The following TDRD6 variants were observed in gnomAD, a reference collection of about 807,000 sequenced individuals.
The protein encoded by TDRD6 is tudor domain-containing protein 6.
TDRD6 carries 186 observed loss-of-function variants against 157.5 expected under a neutral mutation model. That is an observed-to-expected ratio of 1.18 (90% CI 1.05 to 1.33). The LOEUF (loss-of-function observed/expected upper bound fraction) is 1.33, where lower values mean the gene tolerates loss of function less well. Ranked by LOEUF, TDRD6 falls within the 40% of genes most tolerant of loss-of-function variation. The pLI is 0.00. For synonymous variants in TDRD6, 1,075 were observed against 945.2 expected (o/e 1.14, Z -2.52); for missense variants, 3,066 against 2,508.0 (o/e 1.22, Z -4.75).
In TDRD6 at chr6:46,693,662, C is replaced by A. The variant is rs1764412370; in HGVS notation, c.5534C>A (p.Ser1845Ter). 6.2e-7 allele frequency: 1 copy of A among 1,614,032 alleles called. No individual in the cohort carries two copies. The highest frequency in any genetic ancestry group is 1.3e-5 in the African/African-American group (1 of 74,910). The change falls in exon 1 of 4, where the codon TCA becomes TAA. Residue 1845 changes from serine to a stop codon, truncating the protein, a stop_gained. Transcript: ENST00000316081. LOFTEE classifies it high-confidence loss of function. ...GTGCCGCTTTCTCCTGATGATGAATCAAAAGAATTCTTAGAACTGGAATCT... is the reference window on the plus strand; with the variant it reads ...GTGCCGCTTTCTCCTGATGATGAATAAAAAGAATTCTTAGAACTGGAATCT... ...LEVPLSPDDE[S>*]KEFLELESIE... is the part of the protein sequence containing the mutation.
Position 46,691,896 on chromosome 6 carries a change from AAAG to A in TDRD6, c.3771_3773del (p.Lys1258del). 6.3e-7 allele frequency: 1 copy of A among 1,594,704 alleles called. No individual in the cohort carries two copies. ...GTCAAGTGTTTCCATTAACAACAGA[AAAG>A]AAAGAAGAAATTTCTGCTGAGACAC... On this transcript the variant is annotated inframe_deletion, in exon 1 of 4. Transcript: ENST00000316081.
chr6:46,698,285 G>A (rs1044163042), intron 3 of TDRD6, among the ~76,000 whole-genome samples, 198 bp downstream of exon 3: 3 of 152,062 alleles, frequency 2.0e-5, no homozygotes, highest in Admixed American at 2.0e-4. Context: ...AGTTATTAAT[G>A]TTTTACTCCT....
chr6:46,689,376 G>A lies in TDRD6; in HGVS notation c.1248G>A (p.Glu416=), dbSNP rs1484226432. The change falls in exon 1 of 4, where the codon GAG becomes GAA. Residue 416 remains glutamate, a synonymous_variant. Transcript: ENST00000316081. The stretch of plus-strand genomic sequence containing the variant: ...AGATTGAATTTTATTGCTCCTTTGA[G>A]CATGTGTATTATGTCAGCCTGTATG... ...NAKIEFYCSF[E]HVYYVSLYGE... is the part of the protein sequence containing the mutation. The A allele has an allele frequency of 2.8e-5, 45 of 1,613,890 alleles. No individual in the cohort carries two copies. Among genetic ancestry groups the A allele is most frequent in the Non-Finnish European group, 3.6e-5 (42 of 1,180,042 alleles).
upstream of TDRD6, among the ~76,000 whole-genome samples, chr6:46,687,400 T>C (rs1285040791): frequency 6.6e-6 from 1 of 152,182 alleles, no homozygotes; most frequent in Admixed American, 6.5e-5. Flanking sequence ...TCATAACAAC[T>C]CTTATCAATT....
At chr6:46,682,177 T>G in the TDRD6 span, among the ~76,000 whole-genome samples, 1 of 152,088 alleles carries the variant, frequency 6.6e-6, no homozygotes, top group East Asian at 1.9e-4. Context: ...TAAGTGAGAC[T>G]TATCCTGGGA....
At position 46,704,110 on chromosome 6, in the gene TDRD6, A is replaced by G. The variant is rs1454739061; in HGVS notation, c.*2223A>G. 3 of 158,752 alleles carry G rather than the reference A, an allele frequency of 1.9e-5. No homozygotes were observed. The highest frequency in any genetic ancestry group is 4.8e-5 in the African/African-American group (2 of 41,486). The allele number at this position is 158,752 out of a possible 1,614,324, so 9.8% of individuals were successfully genotyped here. A position where few individuals can be genotyped will look rare whatever the true frequency, so the allele number is the denominator to read the frequency against. Reference sequence around the variant, plus strand: ...ATTCTACCTAGAATATCATGTTGCTATAATTAAACTCCACTGCCCATAGTA... The same window carrying G: ...ATTCTACCTAGAATATCATGTTGCTGTAATTAAACTCCACTGCCCATAGTA... On this transcript the variant is annotated 3_prime_UTR_variant, in exon 4 of 4. Coordinates refer to ENST00000316081, the MANE Select transcript of TDRD6 (RefSeq NM_001010870.3).
At position 46,688,632 on chromosome 6, in the gene TDRD6, G is replaced by T; in HGVS notation, c.504G>T (p.Gly168=). ...ACCTTCAGGGCAAGGAGGTGCACGG[G>T]TGCGTCCTGGACGTGCTGCTGCTCC... is the stretch of plus-strand genomic sequence containing the variant. ...LSNLQGKEVH[G]CVLDVLLLHR... The change falls in exon 1 of 4, where the codon GGG becomes GGT. Residue 168 remains glycine, a synonymous_variant. Transcript: ENST00000316081. 2 of 1,599,274 alleles carry T rather than the reference G, an allele frequency of 1.3e-6. No individual in the cohort carries two copies. The highest frequency in any genetic ancestry group is 1.7e-6 in the Non-Finnish European group (2 of 1,179,876).
Position 46,692,059 on chromosome 6 carries a change from G to A in TDRD6, c.3931G>A (p.Val1311Ile), listed in dbSNP as rs1764345516. Reference sequence around the variant, plus strand: ...GCCTGGATTTAAAACAACTGTATATGTTTCTCATATAAATGACCTTTCAGA... The same window carrying A: ...GCCTGGATTTAAAACAACTGTATATATTTCTCATATAAATGACCTTTCAGA... ...IMPGFKTTVY[V>I]SHINDLSDFY... The change falls in exon 1 of 4, where the codon GTT becomes ATT. Residue 1311 changes from valine (V) to isoleucine (I), a missense_variant. Transcript: ENST00000316081. The A allele has an allele frequency of 1.2e-6, 2 of 1,612,678 alleles. No homozygotes were observed. The highest frequency in any genetic ancestry group is 1.3e-5 in the African/African-American group (1 of 74,740).
Position 46,703,919 on chromosome 6 carries a change from T to C in TDRD6, c.*2032T>C, listed in dbSNP as rs578037509. ...AAAGAAAGTGTCAAAAAATTACCAATTTAATCCACTGCCTTTGCCTCATCT... is the reference window on the plus strand; with the variant it reads ...AAAGAAAGTGTCAAAAAATTACCAACTTAATCCACTGCCTTTGCCTCATCT... On this transcript the variant is annotated 3_prime_UTR_variant, in exon 4 of 4. Coordinates refer to ENST00000316081, the MANE Select transcript of TDRD6 (RefSeq NM_001010870.3). The C allele has an allele frequency of 1.0e-4, 16 of 152,434 alleles. No homozygotes were observed. Among genetic ancestry groups the C allele is most frequent in the African/African-American group, 3.8e-4 (16 of 41,562 alleles). 9.4% of individuals were successfully genotyped at this position (152,434 alleles called of 1,614,324 possible).
intron 3 of TDRD6, among the ~76,000 whole-genome samples, chr6:46,699,822 C>T (rs1030973800): frequency 2.0e-5 from 3 of 152,006 alleles, no homozygotes; most frequent in African/African-American, 4.8e-5. Flanking sequence ...TTGTAATCAG[C>T]GAAAGAGGTT....
At chr6:46,687,802 T>A (rs1764141748), upstream of TDRD6, 1 of 286,314 alleles carries the variant, frequency 3.5e-6, no homozygotes, top group Non-Finnish European at 6.5e-6. Context: ...CTTGGGCCCT[T>A]AGGCGTTAGG....
Position 46,691,727 on chromosome 6 carries a change from G to C in TDRD6, c.3599G>C (p.Gly1200Ala). The change falls in exon 1 of 4, where the codon GGG becomes GCG. Residue 1200 changes from glycine to alanine, a missense_variant. By Grantham distance (60) the Gly-to-Ala change is moderately conservative. Coordinates refer to ENST00000316081, the MANE Select transcript of TDRD6 (RefSeq NM_001010870.3). ...PCTEYLSKSV[G>A]YKLPNKEILE... ...ACAGAGTATTTAAGTAAATCAGTAG[G>C]GTACAAGTTACCTAATAAAGAAATT... The C allele has an allele frequency of 6.3e-7, 1 of 1,595,758 alleles. No individual in the cohort carries two copies. Among genetic ancestry groups the C allele is most frequent in the Non-Finnish European group, 8.5e-7 (1 of 1,175,266 alleles).
At position 46,691,625 on chromosome 6, in the gene TDRD6, GAAAA is replaced by G. The variant is rs746900685; in HGVS notation, c.3501_3504del (p.Glu1169ValfsTer18). On this transcript the variant is annotated frameshift_variant, in exon 1 of 4. Transcript: ENST00000316081. LOFTEE classifies it high-confidence loss of function. Reference sequence around the variant, plus strand: ...CTACTTAGTTACAAAGATAGAATAAGAAAAAAAGAAAGTGAAGTCCTCTGTTCTA... The same window carrying G: ...CTACTTAGTTACAAAGATAGAATAAGAAAGAAAGTGAAGTCCTCTGTTCTA... 2 of 1,611,322 alleles carry G rather than the reference GAAAA, an allele frequency of 1.2e-6. No homozygotes were observed. The highest frequency in any genetic ancestry group is 1.7e-6 in the Non-Finnish European group (2 of 1,179,032).
At chr6:46,700,832 A>T (rs562993475) in intron 3 of TDRD6, among the ~76,000 whole-genome samples, 65 of 152,330 alleles carry the variant, frequency 4.3e-4, no homozygotes, top group South Asian at 2.5e-3. Flanking sequence ...GAATAGAAAA[A>T]GTACTTGACA....
In TDRD6 at chr6:46,690,205, A is replaced by G; in HGVS notation, c.2077A>G (p.Thr693Ala). The G allele has an allele frequency of 1.2e-6, 2 of 1,613,916 alleles. No homozygotes were observed. Among genetic ancestry groups the G allele is most frequent in the Middle Eastern group, 1.6e-4 (1 of 6,062 alleles). Residue 693 changes from threonine (T) to alanine (A), a missense_variant, in exon 1 of 4, where the codon ACG becomes GCG. Transcript: ENST00000316081. ...SPGHVSNHFT[T>A]ESNKIPFAKT... ...AGGGCATGTTTCAAACCACTTTACT[A>G]CGGAGAGTAACAAAATACCTTTTGC...
rs745924427 is a variant in TDRD6 at position 46,692,765 on chromosome 6, GTT to G, written c.4639_4640del (p.Leu1547ArgfsTer39). ...TTTGCTGATACGGAGAAACTTCAGTGTTTAGAAGTAGAAGTACAGACTGCTGG... is the reference window on the plus strand; with the variant it reads ...TTTGCTGATACGGAGAAACTTCAGTGTAGAAGTAGAAGTACAGACTGCTGG... On this transcript the variant is annotated frameshift_variant, in exon 1 of 4. Coordinates refer to ENST00000316081, the MANE Select transcript of TDRD6 (RefSeq NM_001010870.3). LOFTEE classifies it high-confidence loss of function. The G allele has an allele frequency of 2.4e-5, 38 of 1,614,090 alleles. No individual in the cohort carries two copies. The highest frequency in any genetic ancestry group is 3.1e-5 in the Non-Finnish European group (37 of 1,180,034).
At chr6:46,685,036 T>A (rs1307292127), upstream of TDRD6, among the ~76,000 whole-genome samples, 1 of 149,536 alleles carries the variant, frequency 6.7e-6, no homozygotes, top group Non-Finnish European at 1.5e-5. Flanking sequence ...TTTTGTCTAA[T>A]AGCTAATGAT....
Position 46,689,231 on chromosome 6 carries a change from G to T in TDRD6, c.1103G>T (p.Arg368Leu), listed in dbSNP as rs373561239. The T allele has an allele frequency of 1.3e-5, 21 of 1,614,032 alleles. No homozygotes were observed. The African/African-American group carries it at 2.8e-4, about 22-fold the overall frequency. Reference sequence around the variant, plus strand: ...CGGTACTTGCTGCCTGAATATTTTCGAATGCCGGTGGTGACCTACCCTTGT... The same window carrying T: ...CGGTACTTGCTGCCTGAATATTTTCTAATGCCGGTGGTGACCTACCCTTGT... ...SLRYLLPEYF[R>L]MPVVTYPCAL... Residue 368 changes from arginine to leucine, a missense_variant, in exon 1 of 4, where the codon CGA (arginine) becomes CTA (leucine). Arg to Leu is a moderately radical substitution (Grantham distance 102, BLOSUM62 -2). Coordinates refer to ENST00000316081, the MANE Select transcript of TDRD6 (RefSeq NM_001010870.3).
In TDRD6 at chr6:46,692,894, T is replaced by C. The variant is rs761112350; in HGVS notation, c.4766T>C (p.Ile1589Thr). The C allele has an allele frequency of 1.2e-5, 20 of 1,614,042 alleles. No homozygotes were observed. Among genetic ancestry groups the C allele is most frequent in the Middle Eastern group, 1.6e-4 (1 of 6,084 alleles). The change falls in exon 1 of 4, where the codon ATC becomes ACC. Residue 1589 changes from isoleucine to threonine, a missense_variant. Transcript: ENST00000316081. ...GATGGACATTATTATAGGGCACTTATCACTAATATTTGTGAAGATTATCTT... is the reference window on the plus strand; with the variant it reads ...GATGGACATTATTATAGGGCACTTACCACTAATATTTGTGAAGATTATCTT... ...REDGHYYRAL[I>T]TNICEDYLVS...
Sources: allele counts gnomAD v4.1 joint callset (sites outside exome capture counted in the v4.1 genomes callset), GRCh38; gene constraint gnomAD v4.1.1; transcripts MANE v1.5; gene names NCBI Gene and HGNC (gene_info 2026-07-23, HGNC 2026-07-21).